UPF2: variants seen among roughly 807,000 people sequenced by gnomAD.
The protein encoded by UPF2 is UPF2 regulator of nonsense mediated mRNA decay, also known as regulator of nonsense transcripts 2.
UPF2 carries 17 observed loss-of-function variants against 141.4 expected under a neutral mutation model. The ratio of observed to expected loss-of-function variants is 0.12; its 90% CI spans 0.08 to 0.18. The LOEUF is 0.18. Among genes scored for constraint, UPF2 ranks in the 10% least tolerant of loss-of-function variants. UPF2 has a pLI of 1.00. For missense variants in UPF2, 1,152 were observed against 1,515.9 expected, an observed-to-expected ratio of 0.76 and a Z score of 3.99; for synonymous variants, 540 against 498.0, an observed-to-expected ratio of 1.08 and a Z score of -1.12.
intron 7 of UPF2, among the ~76,000 whole-genome samples, chr10:11,999,512 C>CAAAAAA (rs1325502291): frequency 8.0e-5 from 8 of 100,350 alleles, no homozygotes; most frequent in African/African-American, 2.5e-4. Context: ...GACTCCATCT[C>CAAAAAA]AAAAAAAAAA....
chr10:12,031,173 C>CAAAAAA lies in UPF2; in HGVS notation c.366-1655_366-1650dup, dbSNP rs1230080718. Reference sequence around the variant, plus strand: ...TGGGCGAAAGAGCAAGACTCCATCTCAAAAAAAAAAAAAAAAACAAAACAG... The same window carrying CAAAAAA: ...TGGGCGAAAGAGCAAGACTCCATCTCAAAAAAAAAAAAAAAAAAAAAAACAAAACAG... On this transcript the variant is annotated intron_variant, in intron 2 of 21. Coordinates refer to ENST00000357604, the MANE Select transcript of UPF2 (RefSeq NM_015542.4). 4.4e-4 allele frequency among the ~76,000 whole-genome samples: 13 copies of CAAAAAA among 29,876 alleles called. 4 individuals carry two copies. The highest frequency in any genetic ancestry group is 6.2e-4 in the Non-Finnish European group (8 of 12,854). 19.6% of individuals were successfully genotyped at this position (29,876 alleles called of 152,430 possible).
intron 1 of UPF2, among the ~76,000 whole-genome samples, chr10:12,040,518 T>C (rs998967856): frequency 3.3e-5 from 5 of 152,166 alleles, no homozygotes; most frequent in African/African-American, 1.2e-4. Context: ...TAAGTCCTGA[T>C]ACTGGTATCT....
intron 9 of UPF2, among the ~76,000 whole-genome samples, chr10:11,968,665 A>G (rs940098071): frequency 5.9e-5 from 9 of 152,242 alleles, no homozygotes; most frequent in Non-Finnish European, 1.0e-4. Context: ...AAGTCCTCTA[A>G]TTAGGCACAA....
At chr10:11,922,856 G>C (rs1005631469) in intron 21 of UPF2, among the ~76,000 whole-genome samples, 11 of 152,016 alleles carry the variant, frequency 7.2e-5, no homozygotes, top group Admixed American at 3.3e-4. Context: ...GGGCAACATA[G>C]TGAGACCTCG....
intron 16 of UPF2, 135 bp downstream of exon 16, chr10:11,948,231 GAGC>G: frequency 1.1e-6 from 1 of 900,472 alleles, no homozygotes; most frequent in Non-Finnish European, 1.5e-6. Flanking sequence ...TTGGGCGACA[GAGC>G]AAGACTCTGT....
intron 3 of UPF2, among the ~76,000 whole-genome samples, chr10:12,026,185 G>T (rs1171773513): frequency 1.3e-5 from 2 of 152,092 alleles, no homozygotes; most frequent in East Asian, 1.9e-4. Context: ...GTTTAACAGA[G>T]ATATGCAAGT....
In UPF2 at chr10:12,035,779, T is replaced by A. The variant is rs142878985; in HGVS notation, c.-18-338A>T. 1.5e-3 allele frequency: 250 copies of A among 169,754 alleles called. 1 individual carries two copies. The highest frequency in any genetic ancestry group is 5.4e-3 in the African/African-American group (229 of 42,244). The allele number at this position is 169,754 out of a possible 1,614,324, so 10.5% of individuals were successfully genotyped here. A position where few individuals can be genotyped will look rare whatever the true frequency, so the allele number is the denominator to read the frequency against. ...AACTCCAAAACAATATGTCATTTAA[T>A]TGTAAATACTTCAGAATATATCTGT... On this transcript the variant is annotated intron_variant, in intron 1 of 21. Coordinates refer to ENST00000357604, the MANE Select transcript of UPF2 (RefSeq NM_015542.4).
At chr10:11,947,599 T>C (rs1430693901) in intron 16 of UPF2, among the ~76,000 whole-genome samples, 2 of 151,590 alleles carry the variant, frequency 1.3e-5, no homozygotes, top group African/African-American at 4.8e-5. Context: ...CTGGGCAATA[T>C]AGCAAGATCC....
At chr10:11,949,968 A>G (rs1332039282) in intron 15 of UPF2, among the ~76,000 whole-genome samples, 1 of 152,202 alleles carries the variant, frequency 6.6e-6, no homozygotes, top group Non-Finnish European at 1.5e-5. Context: ...TTACAAAACA[A>G]AAAATAAAGC....
In UPF2 at chr10:11,931,521, C is replaced by T; in HGVS notation, c.3688+120G>A. The T allele has an allele frequency of 3.7e-6, 4 of 1,074,920 alleles. No individual in the cohort carries two copies. Among genetic ancestry groups the T allele is most frequent in the Non-Finnish European group, 5.1e-6 (4 of 788,240 alleles). 66.6% of individuals were successfully genotyped at this position (1,074,920 alleles called of 1,614,324 possible). A position where few individuals can be genotyped will look rare whatever the true frequency, so the allele number is the denominator to read the frequency against. On this transcript the variant is annotated intron_variant, in intron 20 of 21. Transcript: ENST00000357604. The surrounding 1 kb of genome is among the most constrained non-coding windows in gnomAD (Gnocchi z 5.9). ...TAAGTGAAAGAAAAACAGTGGGATA[C>T]AAAATGAATTTCTCAGCATAAATAT... is the stretch of plus-strand genomic sequence containing the variant.
In UPF2 at chr10:12,019,661, C is replaced by T. The variant is rs931368787; in HGVS notation, c.1146-5477G>A. On this transcript the variant is annotated intron_variant, in intron 3 of 21. Transcript: ENST00000357604. The surrounding 1 kb of genome is among the most constrained non-coding windows in gnomAD (Gnocchi z 4.5). ...AAATTGCCTTCCTTTCGGCAACATACGTGAGACATCACTGTCCAGAAGAAT... is the reference window on the plus strand; with the variant it reads ...AAATTGCCTTCCTTTCGGCAACATATGTGAGACATCACTGTCCAGAAGAAT... Among the ~76,000 whole-genome samples, 5 of 152,114 alleles carry T rather than the reference C, an allele frequency of 3.3e-5. No individual in the cohort carries two copies. The highest frequency in any genetic ancestry group is 2.1e-4 in the South Asian group (1 of 4,830).
At chr10:11,960,882 G>A (rs1010036899) in intron 11 of UPF2, among the ~76,000 whole-genome samples, 3 of 152,062 alleles carry the variant, frequency 2.0e-5, no homozygotes, top group Middle Eastern at 3.4e-3. Flanking sequence ...ACTTGAGGCC[G>A]GGAGTTCGAG....
chr10:11,996,237 A>G (rs1185721997), intron 8 of UPF2, among the ~76,000 whole-genome samples: 1 of 152,172 alleles, frequency 6.6e-6, no homozygotes, highest in African/African-American at 2.4e-5. Context: ...TGATTATAAT[A>G]TACTTAATTG....
At position 11,956,115 on chromosome 10, in the gene UPF2, C is replaced by G. The variant is rs1195489035; in HGVS notation, c.2574+205G>C. Among the ~76,000 whole-genome samples, 2 of 150,978 alleles carry G rather than the reference C, an allele frequency of 1.3e-5. No individual in the cohort carries two copies. Among genetic ancestry groups the G allele is most frequent in the African/African-American group, 4.9e-5 (2 of 40,988 alleles). On this transcript the variant is annotated intron_variant, in intron 13 of 21. Coordinates refer to ENST00000357604, the MANE Select transcript of UPF2 (RefSeq NM_015542.4). This position sits in a 1 kb window ranked among gnomAD's most constrained non-coding sequence, Gnocchi z 4.2. The stretch of plus-strand genomic sequence containing the variant: ...CGAGCGGAGATCGTGCCAGTGCACT[C>G]CAGCCTGGGTGACACAGCGAGACTC...
intron 9 of UPF2, among the ~76,000 whole-genome samples, chr10:11,978,243 T>C (rs1465746485): frequency 6.6e-6 from 1 of 152,202 alleles, no homozygotes; most frequent in Non-Finnish European, 1.5e-5. Flanking sequence ...TGTGCGGACA[T>C]TTCCCGTTTT....
intron 4 of UPF2, among the ~76,000 whole-genome samples, chr10:12,009,744 G>C (rs1588567285): frequency 6.6e-6 from 1 of 152,134 alleles, no homozygotes; most frequent in South Asian, 2.1e-4. Context: ...CTCTACCCAA[G>C]GTAGGCAGAG....
At position 12,035,072 on chromosome 10, in the gene UPF2, C is replaced by T. The variant is rs1244257837; in HGVS notation, c.352G>A (p.Ala118Thr). ...CAACTGCCTTACTTCATCTGAGCAG[C>T]TGCTTCTTCTTCTTGCTGACGTTTG... ...QAKRQQEEEA[A>T]AQMKEKEESI... Residue 118 changes from alanine to threonine, a missense_variant, in exon 2 of 22, where the codon GCT becomes ACT. Around this residue, in one of 4 missense-constraint regions of UPF2, gnomAD observed 145 missense variants for 136.5 expected, o/e 1.06. Transcript: ENST00000357604. 3 of 1,567,928 alleles carry T rather than the reference C, an allele frequency of 1.9e-6. No individual in the cohort carries two copies. The highest frequency in any genetic ancestry group is 2.1e-5 in the Admixed American group (1 of 46,644).
At position 11,980,448 on chromosome 10, in the gene UPF2, A is replaced by C. The variant is rs556391793; in HGVS notation, c.1845-1283T>G. Among the ~76,000 whole-genome samples the C allele has an allele frequency of 6.6e-6, 1 of 152,308 alleles. No individual in the cohort carries two copies. The highest frequency in any genetic ancestry group is 1.9e-4 in the East Asian group (1 of 5,182). Reference sequence around the variant, plus strand: ...GACACAAATAATCATACGAGTCTTAATTATCGCTGAGTGGAGGCCGGGCAC... The same window carrying C: ...GACACAAATAATCATACGAGTCTTACTTATCGCTGAGTGGAGGCCGGGCAC... On this transcript the variant is annotated intron_variant, in intron 8 of 21. Transcript: ENST00000357604. This position sits in a 1 kb window ranked among gnomAD's most constrained non-coding sequence, Gnocchi z 4.2.
chr10:11,990,473 G>A (rs981185728), intron 8 of UPF2, among the ~76,000 whole-genome samples: 1 of 152,122 alleles, frequency 6.6e-6, no homozygotes, highest in African/African-American at 2.4e-5. Flanking sequence ...GAGGTCAGGC[G>A]ATCGAGACCA....
Sources: allele counts gnomAD v4.1 joint callset (sites outside exome capture counted in the v4.1 genomes callset), GRCh38; gene constraint gnomAD v4.1.1; regional missense constraint gnomAD v4.1.1; non-coding constraint Gnocchi (gnomAD v3.1); transcripts MANE v1.5; gene names NCBI Gene and HGNC (gene_info 2026-07-23, HGNC 2026-07-21).